HECW1: variants seen among roughly 807,000 people sequenced by gnomAD.
HECW1 encodes the protein E3 ubiquitin-protein ligase HECW1.
HECW1 carries 61 observed loss-of-function variants against 182.3 expected under a neutral mutation model. The observed-to-expected ratio is 0.33, with a 90% CI of 0.27 to 0.41. HECW1 has a LOEUF of 0.41. Among genes scored for constraint, HECW1 ranks in the 10% least tolerant of loss-of-function variants. HECW1 has a pLI of 1.00. For synonymous variants in HECW1, 859 were observed against 832.6 expected, an observed-to-expected ratio of 1.03 and a Z score of -0.55; for missense variants, 1,739 against 2,108.9, an observed-to-expected ratio of 0.82 and a Z score of 3.44.
At chr7:43,514,626 G>T (rs1426629722) in intron 24 of HECW1, among the ~76,000 whole-genome samples, 3 of 152,090 alleles carry the variant, frequency 2.0e-5, no homozygotes, top group Admixed American at 6.5e-5. Flanking sequence ...TGATTATGAT[G>T]ATGTCATTTG....
chr7:43,432,208 C>T lies in HECW1; in HGVS notation c.802-5795C>T, dbSNP rs1342850884. Among the ~76,000 whole-genome samples the T allele has an allele frequency of 1.3e-5, 2 of 148,590 alleles. No individual in the cohort carries two copies. The highest frequency in any genetic ancestry group is 6.7e-5 in the Admixed American group (1 of 14,844). On this transcript the variant is annotated intron_variant, in intron 8 of 29. Transcript: ENST00000395891. This position sits in a 1 kb window ranked among gnomAD's most constrained non-coding sequence, Gnocchi z 4.1. ...GGGCTGGAGTGCAGTGGCGGGATCTCGGCTCACTGCAAGCTCCGCCTCCCG... is the reference window on the plus strand; with the variant it reads ...GGGCTGGAGTGCAGTGGCGGGATCTTGGCTCACTGCAAGCTCCGCCTCCCG...
chr7:43,331,913 T>C (rs1249417710), intron 5 of HECW1, among the ~76,000 whole-genome samples: 1 of 152,060 alleles, frequency 6.6e-6, no homozygotes, highest in Non-Finnish European at 1.5e-5. Flanking sequence ...GTTTGATGGA[T>C]TGAAGGCCAT....
chr7:43,189,201 C>A (rs12669012), intron 2 of HECW1, among the ~76,000 whole-genome samples: 10,207 of 152,094 alleles, frequency 0.067, 484 homozygotes, highest in East Asian at 0.27. Context: ...AAGAACAAAT[C>A]TCTTTTAAAA....
At position 43,416,738 on chromosome 7, in the gene HECW1, G is replaced by A. The variant is rs548504665; in HGVS notation, c.801+9007G>A. ...GTGGGATATAGTCTCGTGGTGCGCC[G>A]TTTTTTAAGCCGGTCTGAAAAGCGT... On this transcript the variant is annotated intron_variant, in intron 8 of 29. Transcript: ENST00000395891. Among the ~76,000 whole-genome samples, 405 of 145,546 alleles carry A rather than the reference G, an allele frequency of 2.8e-3. 4 individuals are homozygous for A. The highest frequency in any genetic ancestry group is 0.011 in the Middle Eastern group (3 of 282).
intron 2 of HECW1, among the ~76,000 whole-genome samples, chr7:43,143,799 G>C (rs571465531): frequency 2.0e-5 from 3 of 152,300 alleles, no homozygotes; most frequent in South Asian, 4.1e-4. Context: ...TGCCTTATTT[G>C]ATGGCCACTT....
chr7:43,386,209 T>G (rs372459753), intron 6 of HECW1, among the ~76,000 whole-genome samples: 4 of 152,352 alleles, frequency 2.6e-5, no homozygotes, highest in East Asian at 3.9e-4. Context: ...TGAAAGAATT[T>G]GTGTGATTCA....
intron 17 of HECW1, among the ~76,000 whole-genome samples, chr7:43,488,366 GGAAGGAAGGAAGGAAGGAA>G (rs1563044814): frequency 3.2e-5 from 4 of 123,260 alleles, no homozygotes; most frequent in Non-Finnish European, 6.7e-5. Context: ...AAGGAAGGAA[GGAAGGAAGGAAGGAAGGAA>G]GGAAGGAAGG....
At chr7:43,127,523 CAAA>C (rs71562078) in intron 2 of HECW1, among the ~76,000 whole-genome samples, 8 of 57,278 alleles carry the variant, frequency 1.4e-4, no homozygotes, top group East Asian at 5.7e-4. Context: ...AACTCCATCT[CAAA>C]AAAAAAAAAA....
intron 3 of HECW1, among the ~76,000 whole-genome samples, chr7:43,309,834 C>G (rs1808273754): frequency 6.6e-6 from 1 of 152,214 alleles, no homozygotes; most frequent in East Asian, 1.9e-4. Flanking sequence ...CGGAGCCTGG[C>G]TGAGTGCCCA....
At chr7:43,509,197 A>C in intron 24 of HECW1, 76 bp downstream of exon 24, 12 of 1,469,934 alleles carry the variant, frequency 8.2e-6, no homozygotes, top group South Asian at 1.2e-5. Flanking sequence ...AGCATTTCTC[A>C]AAGGCCACTG....
rs141369959 is a variant in HECW1, at chr7:43,451,090, T to G, written c.2500+161T>G. On this transcript the variant is annotated intron_variant, in intron 12 of 29. Coordinates refer to ENST00000395891, the MANE Select transcript of HECW1 (RefSeq NM_015052.5). ...CCTGCTCTAAAAACTGGTGGTTTTTTGGGGGTTTTTAGTTTGTTTTTTTGA... is the reference window on the plus strand; with the variant it reads ...CCTGCTCTAAAAACTGGTGGTTTTTGGGGGGTTTTTAGTTTGTTTTTTTGA... Among the ~76,000 whole-genome samples the G allele has an allele frequency of 3.9e-3, 591 of 152,330 alleles. 4 individuals carry two copies. The highest frequency in any genetic ancestry group is 0.012 in the African/African-American group (493 of 41,570).
intron 3 of HECW1, among the ~76,000 whole-genome samples, chr7:43,270,380 G>T (rs1354034672): frequency 6.6e-6 from 1 of 152,198 alleles, no homozygotes. Context: ...GAAACTGTCA[G>T]ATGGAGGTAT....
intron 2 of HECW1, among the ~76,000 whole-genome samples, chr7:43,162,219 C>T (rs984110973): frequency 1.1e-4 from 17 of 152,182 alleles, no homozygotes; most frequent in African/African-American, 4.1e-4. Flanking sequence ...GGATCAGTTT[C>T]CTTGGGCTGC....
chr7:43,446,778 G>A (rs1309833611), intron 11 of HECW1, among the ~76,000 whole-genome samples: 2 of 152,190 alleles, frequency 1.3e-5, no homozygotes, highest in Non-Finnish European at 2.9e-5. Context: ...AGAAACACAG[G>A]CAGAAAGGTA....
intron 3 of HECW1, chr7:43,258,605 A>AG (rs1157546236): frequency 6.6e-6 from 1 of 152,214 alleles, no homozygotes; most frequent in Non-Finnish European, 1.5e-5. Flanking sequence ...ATAGACAACC[A>AG]GGACAGACTT....
chr7:43,330,050 T>C (rs758547333), intron 5 of HECW1, among the ~76,000 whole-genome samples: 3 of 151,898 alleles, frequency 2.0e-5, no homozygotes, highest in Non-Finnish European at 4.4e-5. Flanking sequence ...GAAAGAGAGA[T>C]CATGGAGTTA....
At chr7:43,133,982 A>G (rs1299304163) in intron 2 of HECW1, among the ~76,000 whole-genome samples, 1 of 152,226 alleles carries the variant, frequency 6.6e-6, no homozygotes, top group East Asian at 1.9e-4. Flanking sequence ...TGTCACATGT[A>G]GGCTAGGATA....
Position 43,400,418 on chromosome 7 carries a change from G to A in HECW1, c.631+3529G>A, listed in dbSNP as rs548935575. Among the ~76,000 whole-genome samples the A allele has an allele frequency of 7.9e-5, 12 of 152,246 alleles. No homozygotes were observed. The South Asian group carries it at 2.3e-3, about 29-fold the overall frequency. ...CCAAACTCACTAAAGATGGACAAAC[G>A]CCGGGACTACATGACATGCTCGTAG... On this transcript the variant is annotated intron_variant, in intron 7 of 29. Transcript: ENST00000395891.
chr7:43,541,021 G>T, intron 24 of HECW1, 142 bp from the exon 25 acceptor site: 1 of 680,362 alleles, frequency 1.5e-6, no homozygotes, highest in Non-Finnish European at 2.7e-6. Flanking sequence ...ACAAGAACAG[G>T]TGCCTCCCTT....
Sources: gnomAD v4.1 joint callset for allele counts (sites outside exome capture counted in the v4.1 genomes callset) on GRCh38, gnomAD v4.1.1 for gene constraint, Gnocchi (gnomAD v3.1) non-coding constraint, MANE v1.5 for transcripts, NCBI Gene and HGNC (gene_info 2026-07-23, HGNC 2026-07-21) for gene names.